Variants in NEMF observed in about 807,000 individuals in gnomAD.
NEMF encodes the protein ribosome quality control complex subunit NEMF.
NEMF carries 89 observed loss-of-function variants against 162.2 expected under a neutral mutation model. The observed-to-expected ratio is 0.55, with a 90% CI of 0.46 to 0.65. NEMF has a LOEUF of 0.65. NEMF is among the 30% of genes least tolerant of loss of function. The pLI is 0.00. For synonymous variants in NEMF, 421 were observed against 404.5 expected, an observed-to-expected ratio of 1.04 and a Z score of -0.49; for missense variants, 1,133 against 1,261.9, an observed-to-expected ratio of 0.90 and a Z score of 1.55.
intron 3 of NEMF, among the ~76,000 whole-genome samples, chr14:49,851,130 G>A (rs536533297): frequency 1.3e-5 from 2 of 152,316 alleles, no homozygotes; most frequent in Non-Finnish European, 2.9e-5. Flanking sequence ...CTTGAACCTG[G>A]GAGGCAGAGG....
chr14:49,825,913 C>G lies in NEMF; in HGVS notation c.1531G>C (p.Glu511Gln). The G allele has an allele frequency of 1.2e-6, 2 of 1,611,594 alleles. No homozygotes were observed. The highest frequency in any genetic ancestry group is 1.7e-6 in the Non-Finnish European group (2 of 1,178,192). The change falls in exon 16 of 33, where the codon GAA becomes CAA. Residue 511 changes from glutamate (E) to glutamine (Q), a missense_variant. Physicochemically the swap from Glu to Gln is conservative, Grantham distance 29. This residue lies in a region of NEMF where 582 missense variants were observed against 631.5 expected (regional missense o/e 0.92). Transcript: ENST00000298310. ...TGAATAGAGGTAACAGTCTGAACTT[C>G]TTTTAATGTTTGCTTTGTTTTCTTT... The part of the protein sequence containing the change: ...AEKKTKQTLK[E>Q]VQTVTSIQKA...
chr14:49,791,504 C>T (rs1008260170), intron 26 of NEMF, among the ~76,000 whole-genome samples: 3 of 150,874 alleles, frequency 2.0e-5, no homozygotes, highest in African/African-American at 7.3e-5. Flanking sequence ...TTTGGGAGGC[C>T]GAGGCAGGCG....
intron 5 of NEMF, among the ~76,000 whole-genome samples, chr14:49,838,939 C>G (rs1382721819): frequency 6.6e-6 from 1 of 151,998 alleles, no homozygotes; most frequent in Non-Finnish European, 1.5e-5. Context: ...ATACCAGCAT[C>G]AGCATTACCT....
chr14:49,848,506 T>C (rs1185672115), intron 3 of NEMF, among the ~76,000 whole-genome samples: 1 of 152,098 alleles, frequency 6.6e-6, no homozygotes, highest in African/African-American at 2.4e-5. Flanking sequence ...TAAAAGACCC[T>C]TTAGTTAAGA....
chr14:49,782,333 C>T lies in NEMF; in HGVS notation c.*2303G>A, dbSNP rs550127239. The T allele has an allele frequency of 6.9e-7, 1 of 1,454,716 alleles. No homozygotes were observed. Among genetic ancestry groups the T allele is most frequent in the African/African-American group, 1.4e-5 (1 of 71,208 alleles). 90.1% of individuals were successfully genotyped at this position (1,454,716 alleles called of 1,614,324 possible). A position where few individuals can be genotyped will look rare whatever the true frequency, so the allele number is the denominator to read the frequency against. Reference sequence around the variant, plus strand: ...TAGTATAAAATGGCCAACTGGTGTTCTGGGTGGCTTCAAACTCGTTTTTGT... The same window carrying T: ...TAGTATAAAATGGCCAACTGGTGTTTTGGGTGGCTTCAAACTCGTTTTTGT... On this transcript the variant is annotated 3_prime_UTR_variant, in exon 33 of 33. Transcript: ENST00000298310.
rs1289194345 is a variant in NEMF at position 49,846,199 on chromosome 14, C to T, written c.298G>A (p.Asp100Asn). The stretch of plus-strand genomic sequence containing the variant: ...GCTTCATCACTTCCAAATTGAAAAT[C>T]TACAATTCTATCCACACCAAGCTGT... Reference protein sequence around the residue: ...AKQLGVDRIVDFQFGSDEAAY... With the variant: ...AKQLGVDRIVNFQFGSDEAAY... The change falls in exon 4 of 33, where the codon GAT (aspartate) becomes AAT (asparagine). Residue 100 changes from aspartate (D) to asparagine (N), a missense_variant. By Grantham distance (23) the Asp-to-Asn change is conservative. Around this residue, in one of 3 missense-constraint regions of NEMF, gnomAD observed 582 missense variants for 631.5 expected, o/e 0.92. Transcript: ENST00000298310. 1 of 1,613,522 alleles carries T rather than the reference C, an allele frequency of 6.2e-7. No homozygotes were observed. Among genetic ancestry groups the T allele is most frequent in the African/African-American group, 1.3e-5 (1 of 75,036 alleles).
chr14:49,817,638 A>T (rs557045588), intron 16 of NEMF, among the ~76,000 whole-genome samples: 1 of 152,310 alleles, frequency 6.6e-6, no homozygotes, highest in African/African-American at 2.4e-5. Context: ...ATTGTCTCAT[A>T]TATAAAAAGC....
intron 18 of NEMF, among the ~76,000 whole-genome samples, chr14:49,807,740 T>G (rs187833906): frequency 6.6e-6 from 1 of 151,702 alleles, no homozygotes; most frequent in African/African-American, 2.4e-5. Flanking sequence ...ATTACAGGCA[T>G]GCACCACTAC....
At chr14:49,842,048 T>A (rs1432643530) in intron 4 of NEMF, among the ~76,000 whole-genome samples, 1 of 151,108 alleles carries the variant, frequency 6.6e-6, no homozygotes, top group East Asian at 1.9e-4. Context: ...GAGGTTGCTG[T>A]GAGCCGAGAT....
Position 49,829,079 on chromosome 14 carries a change from T to C in NEMF, c.1207A>G (p.Thr403Ala). ...CTTAGCAGCATTGTAACATGGTTTG[T>C]TTGTAGTTTTAATTCTTTGATTGCA... Reference protein sequence around the residue: ...ASAIKELKLQTNHVTMLLRNP... With the variant: ...ASAIKELKLQANHVTMLLRNP... Residue 403 changes from threonine to alanine, a missense_variant, in exon 13 of 33, where the codon ACA becomes GCA. This residue lies in a region of NEMF where 582 missense variants were observed against 631.5 expected (regional missense o/e 0.92). Coordinates refer to ENST00000298310, the MANE Select transcript of NEMF (RefSeq NM_004713.6). 10 of 1,614,162 alleles carry C rather than the reference T, an allele frequency of 6.2e-6. No individual in the cohort carries two copies. Among genetic ancestry groups the C allele is most frequent in the Non-Finnish European group, 8.5e-6 (10 of 1,179,994 alleles).
chr14:49,813,837 C>T (rs142792708), intron 18 of NEMF, 151 bp downstream of exon 18: 1 of 583,678 alleles, frequency 1.7e-6, no homozygotes, highest in Non-Finnish European at 3.1e-6. Flanking sequence ...CTCCTGGCCT[C>T]AAATAATCCT....
In NEMF at chr14:49,852,685, G is replaced by C; in HGVS notation, c.59+10C>G. On this transcript the variant is annotated intron_variant, in intron 1 of 32. Coordinates refer to ENST00000298310, the MANE Select transcript of NEMF (RefSeq NM_004713.6). ...TCCCCACACGAGCCTCGTCACTTAG[G>C]GTACTGTACCTAGCATTCAGCTCCG... 3 of 1,614,186 alleles carry C rather than the reference G, an allele frequency of 1.9e-6. No individual in the cohort carries two copies. Among genetic ancestry groups the C allele is most frequent in the Non-Finnish European group, 1.7e-6 (2 of 1,180,010 alleles).
At chr14:49,796,466 T>A (rs1890696080) in intron 25 of NEMF, 2 of 302,150 alleles carry the variant, frequency 6.6e-6, no homozygotes, top group South Asian at 2.7e-5. Context: ...AGAGTCTACA[T>A]ACTCTGAATT....
intron 19 of NEMF, 58 bp from the exon 20 acceptor site, chr14:49,803,352 T>C: frequency 8.0e-7 from 1 of 1,251,868 alleles, no homozygotes; most frequent in Non-Finnish European, 1.1e-6. Context: ...AGTTTTCTTT[T>C]TCCACTTGAG....
At chr14:49,802,358 G>C (rs1344083494) in intron 22 of NEMF, 95 bp downstream of exon 22, 4 of 1,358,718 alleles carry the variant, frequency 2.9e-6, no homozygotes, top group African/African-American at 3.0e-5. Context: ...TTGAAATTTA[G>C]ATTATCCCAA....
At chr14:49,831,417 T>C (rs1374302993) in intron 10 of NEMF, 56 bp from the exon 11 acceptor site, 1 of 985,138 alleles carries the variant, frequency 1.0e-6, no homozygotes, top group Non-Finnish European at 1.6e-6. Context: ...CTACTTCAAC[T>C]TGCATACACA....
In NEMF at chr14:49,783,131, T is replaced by TATA. The variant is rs1889990846; in HGVS notation, c.*1504_*1505insTAT. On this transcript the variant is annotated 3_prime_UTR_variant, in exon 33 of 33. Transcript: ENST00000298310. ...GTCTAAAGTTTACAATAAATGTATT[T>TATA]AACACCAGTAGCTGTCCTCTATTAA... 2.1e-6 allele frequency: 1 copy of TATA among 486,442 alleles called. No homozygotes were observed. The highest frequency in any genetic ancestry group is 3.5e-6 in the Non-Finnish European group (1 of 284,414). 30.1% of individuals were successfully genotyped at this position (486,442 alleles called of 1,614,324 possible).
intron 26 of NEMF, among the ~76,000 whole-genome samples, chr14:49,790,175 C>T (rs555476574): frequency 5.7e-4 from 87 of 152,206 alleles, no homozygotes; most frequent in Admixed American, 1.1e-3. Context: ...GACACAAACA[C>T]CGTAAAAGAC....
chr14:49,839,778 C>G (rs150534563), intron 5 of NEMF: 82 of 152,224 alleles, frequency 5.4e-4, no homozygotes, highest in African/African-American at 2.0e-3. Context: ...GAGATTAGCA[C>G]GACCCCTGCA....
Sources: gnomAD v4.1 joint callset for allele counts (sites outside exome capture counted in the v4.1 genomes callset) on GRCh38, gnomAD v4.1.1 for gene constraint, gnomAD v4.1.1 regional missense constraint, MANE v1.5 for transcripts, NCBI Gene and HGNC (gene_info 2026-07-23, HGNC 2026-07-21) for gene names.